Variants in HHIP observed in about 807,000 individuals in gnomAD.
HHIP encodes hedgehog-interacting protein.
A neutral mutation model predicts 74.0 loss-of-function variants in HHIP; 12 were observed. The observed-to-expected ratio is 0.16, with a 90% confidence interval of 0.10 to 0.26. The LOEUF (loss-of-function observed/expected upper bound fraction) is 0.26, where lower values mean the gene tolerates loss of function less well. HHIP is among the 10% of genes least tolerant of loss of function. HHIP has a pLI of 1.00. For synonymous variants in HHIP, 309 were observed against 311.6 expected, an observed-to-expected ratio of 0.99 and a Z score of 0.09; for missense variants, 788 against 845.0, an observed-to-expected ratio of 0.93 and a Z score of 0.84.
chr4:144,730,294 GT>G (rs1730918120), intron 11 of HHIP, among the ~76,000 whole-genome samples: 1 of 152,168 alleles, frequency 6.6e-6, no homozygotes, highest in South Asian at 2.1e-4. Flanking sequence ...ATGTTGGACA[GT>G]TTTTTGAACT....
At chr4:144,663,483 C>T (rs917519112) in intron 4 of HHIP, among the ~76,000 whole-genome samples, 1 of 152,138 alleles carries the variant, frequency 6.6e-6, no homozygotes, top group African/African-American at 2.4e-5. Flanking sequence ...CTCTGCCAAG[C>T]CTACACCCAA....
rs1227395911 is a variant in HHIP, at chr4:144,707,079, C to CA, written c.984-6dup. 1 of 1,612,660 alleles carries CA rather than the reference C, an allele frequency of 6.2e-7. No individual in the cohort carries two copies. On this transcript the variant is annotated splice_polypyrimidine_tract_variant and splice_region_variant and intron_variant, in intron 5 of 12. Transcript: ENST00000296575. The stretch of plus-strand genomic sequence containing the variant: ...CAGTCATGGTATTGTTTTCTTCCCA[C>CA]AATGTAGAAAAAATCCACACCAAGT...
At chr4:144,734,918 G>A (rs993090788) in intron 12 of HHIP, 29 bp downstream of exon 12, 3 of 1,580,088 alleles carry the variant, frequency 1.9e-6, no homozygotes, top group South Asian at 1.1e-5. Context: ...ACCTGAAAAG[G>A]ACTGGGGATG....
rs1731245856 is a variant in HHIP at position 144,740,818 on chromosome 4, A to C, written c.*2861A>C. ...ATACTGATGCATAAGATAAAGACGA[A>C]ATAATGAAAAAGAAAAATGTATATT... On this transcript the variant is annotated 3_prime_UTR_variant, in exon 13 of 13. Transcript: ENST00000296575. 1 of 152,226 alleles carries C rather than the reference A, an allele frequency of 6.6e-6. No homozygotes were observed. The highest frequency in any genetic ancestry group is 1.5e-5 in the Non-Finnish European group (1 of 68,036). The allele number at this position is 152,226 out of a possible 1,614,324, so 9.4% of individuals were successfully genotyped here.
chr4:144,687,295 A>G (rs1243798766), intron 4 of HHIP, among the ~76,000 whole-genome samples: 1 of 152,152 alleles, frequency 6.6e-6, no homozygotes, highest in Non-Finnish European at 1.5e-5. Context: ...TACAGGAGTG[A>G]CTCGGGGAAA....
At chr4:144,737,729 G>A (rs1469755185) in intron 12 of HHIP, 35 bp from the exon 13 acceptor site, 2 of 1,542,112 alleles carry the variant, frequency 1.3e-6, no homozygotes, top group African/African-American at 1.4e-5. Context: ...CATACAGAAT[G>A]AGAGTGTGAT....
chr4:144,736,413 G>A (rs1218222613), intron 12 of HHIP, among the ~76,000 whole-genome samples: 2 of 152,130 alleles, frequency 1.3e-5, no homozygotes, highest in Admixed American at 6.6e-5. Flanking sequence ...TGGATAACAG[G>A]TGTGAGCCAC....
At chr4:144,669,001 A>G (rs897725048) in intron 4 of HHIP, among the ~76,000 whole-genome samples, 1 of 150,692 alleles carries the variant, frequency 6.6e-6, no homozygotes, top group Non-Finnish European at 1.5e-5. Context: ...ATAAGTATAC[A>G]CATAAATTTA....
intron 4 of HHIP, among the ~76,000 whole-genome samples, chr4:144,694,599 C>G (rs1033250397): frequency 6.6e-6 from 1 of 151,638 alleles, no homozygotes; most frequent in Non-Finnish European, 1.5e-5. Flanking sequence ...AGGTCAAATT[C>G]ATTAAAAACA....
At chr4:144,736,174 C>T (rs926959495) in intron 12 of HHIP, among the ~76,000 whole-genome samples, 5 of 128,394 alleles carry the variant, frequency 3.9e-5, no homozygotes, top group African/African-American at 8.7e-5. Flanking sequence ...CTCTCTCTGT[C>T]GCCCAGGCTG....
At chr4:144,705,395 C>T (rs1195465271) in intron 4 of HHIP, among the ~76,000 whole-genome samples, 7 of 152,112 alleles carry the variant, frequency 4.6e-5, no homozygotes, top group African/African-American at 1.7e-4. Context: ...TCTGCTAACA[C>T]TTGAGAAGGA....
chr4:144,677,897 T>C (rs907324094), intron 4 of HHIP, among the ~76,000 whole-genome samples: 3 of 152,200 alleles, frequency 2.0e-5, no homozygotes, highest in African/African-American at 7.2e-5. Context: ...TACTTCCTTT[T>C]ATAAGACGTG....
At position 144,679,832 on chromosome 4, in the gene HHIP, T is replaced by C. The variant is rs976824747; in HGVS notation, c.831+19994T>C. Among the ~76,000 whole-genome samples, 5 of 152,234 alleles carry C rather than the reference T, an allele frequency of 3.3e-5. No homozygotes were observed. In the East Asian group the frequency reaches 9.6e-4, roughly 29 times the overall value. Reference sequence around the variant, plus strand: ...TACTTTGAAATATGCAGGACATTTCTGAACATTCTCATGAGTCTATTAGTG... The same window carrying C: ...TACTTTGAAATATGCAGGACATTTCCGAACATTCTCATGAGTCTATTAGTG... On this transcript the variant is annotated intron_variant, in intron 4 of 12. Coordinates refer to ENST00000296575, the MANE Select transcript of HHIP (RefSeq NM_022475.3).
intron 4 of HHIP, among the ~76,000 whole-genome samples, chr4:144,705,183 C>A (rs1730099614): frequency 6.6e-6 from 1 of 152,106 alleles, no homozygotes; most frequent in African/African-American, 2.4e-5. Flanking sequence ...TTCTCTAAGC[C>A]AGGAAACAAA....
At chr4:144,725,911 T>A (rs1730791159) in intron 11 of HHIP, among the ~76,000 whole-genome samples, 1 of 152,170 alleles carries the variant, frequency 6.6e-6, no homozygotes, top group African/African-American at 2.4e-5. Context: ...CCTCAGGTGA[T>A]CTGCCTGGCT....
At chr4:144,715,489 G>T (rs992709601) in intron 10 of HHIP, 59 bp downstream of exon 10, 1 of 1,526,960 alleles carries the variant, frequency 6.5e-7, no homozygotes, top group African/African-American at 1.4e-5. Flanking sequence ...AAGAGGCTTT[G>T]TTCTGCCCTG....
At chr4:144,649,235 G>GA (rs34147694) in intron 1 of HHIP, among the ~76,000 whole-genome samples, 39,980 of 146,972 alleles carry the variant, frequency 0.27, 6,249 homozygotes, top group Non-Finnish European at 0.37. Context: ...GTTTATGGAA[G>GA]AAAAAAAAAA....
At chr4:144,692,304 T>C (rs1357399571) in intron 4 of HHIP, among the ~76,000 whole-genome samples, 1 of 152,010 alleles carries the variant, frequency 6.6e-6, no homozygotes, top group Admixed American at 6.6e-5. Context: ...GAGCCCACAT[T>C]CTCTCCACCG....
At chr4:144,687,265 A>C (rs924297259) in intron 4 of HHIP, among the ~76,000 whole-genome samples, 1 of 152,204 alleles carries the variant, frequency 6.6e-6, no homozygotes, top group African/African-American at 2.4e-5. Flanking sequence ...TGGCTTTCAC[A>C]TAAATAGAGA....
Sources: allele counts gnomAD v4.1 joint callset (sites outside exome capture counted in the v4.1 genomes callset), GRCh38; gene constraint gnomAD v4.1.1; transcripts MANE v1.5; gene names NCBI Gene and HGNC (gene_info 2026-07-23, HGNC 2026-07-21).